The following SCO1 variants were observed in gnomAD, a reference collection of about 807,000 sequenced individuals.
The protein encoded by SCO1 is synthesis of cytochrome C oxidase 1.
SCO1 carries 23 observed loss-of-function variants against 34.0 expected under a neutral mutation model. That is an observed-to-expected ratio of 0.68 (90% CI 0.49 to 0.96). The LOEUF (loss-of-function observed/expected upper bound fraction) is 0.96, where lower values mean the gene tolerates loss of function less well. SCO1 is among the 40% of genes least tolerant of loss of function. The probability of loss-of-function intolerance (pLI) is 0.00; values close to 1 mark genes in which losing one functional copy is unlikely to be tolerated. For missense variants in SCO1, 404 were observed against 381.6 expected (o/e 1.06, Z -0.49); for synonymous variants, 161 against 145.5 (o/e 1.11, Z -0.77).
intron 2 of SCO1, among the ~76,000 whole-genome samples, chr17:10,694,717 CAA>C (rs1020908049): frequency 2.8e-4 from 42 of 151,166 alleles, no homozygotes; most frequent in Middle Eastern, 6.8e-3. Context: ...AAACTAAAGT[CAA>C]AAAAAGCTTC....
rs1198037369 is a variant in SCO1 at position 10,689,068 on chromosome 17, ATCCCGCCACTGCAC to A, written c.656-2240_656-2227del. Among the ~76,000 whole-genome samples the A allele has an allele frequency of 6.4e-4, 88 of 137,682 alleles. 1 individual carries two copies. Among genetic ancestry groups the A allele is most frequent in the Non-Finnish European group, 1.1e-3 (73 of 65,682 alleles). 90.3% of individuals were successfully genotyped at this position (137,682 alleles called of 152,430 possible). A position where few individuals can be genotyped will look rare whatever the true frequency, so the allele number is the denominator to read the frequency against. On this transcript the variant is annotated intron_variant, in intron 4 of 5. Coordinates refer to ENST00000255390, the MANE Select transcript of SCO1 (RefSeq NM_004589.4). ...GAGGCGGAGCTTGCAGTGAGCCGAG[ATCCCGCCACTGCAC>A]TCCAGCCTGGGCGACAGAGCGAGAC... is the stretch of plus-strand genomic sequence containing the variant.
chr17:10,688,458 C>A (rs907474114), intron 4 of SCO1, among the ~76,000 whole-genome samples: 1 of 152,166 alleles, frequency 6.6e-6, no homozygotes, highest in East Asian at 1.9e-4. Context: ...CACTAAGCAC[C>A]TACTAGAGTG....
At chr17:10,681,358 T>A in intron 5 of SCO1, 105 bp from the exon 6 acceptor site, 1 of 1,199,006 alleles carries the variant, frequency 8.3e-7, no homozygotes, top group South Asian at 1.2e-5. Context: ...AATGCTTAAA[T>A]AACCTTTACA....
Position 10,674,513 on chromosome 17 carries a change from C to A in SCO1, c.*6606G>T. 4.2e-6 allele frequency: 1 copy of A among 239,952 alleles called. No individual in the cohort carries two copies. The highest frequency in any genetic ancestry group is 8.3e-6 in the Non-Finnish European group (1 of 120,440). The allele number at this position is 239,952 out of a possible 1,614,324, so 14.9% of individuals were successfully genotyped here. On this transcript the variant is annotated 3_prime_UTR_variant, in exon 6 of 6. Coordinates refer to ENST00000255390, the MANE Select transcript of SCO1 (RefSeq NM_004589.4). ...TGAGAAGCTGCATTTCTGCTAAGTA[C>A]CCCAGTGGTGTGACACTGCCGGACC... is the stretch of plus-strand genomic sequence containing the variant.
Position 10,697,281 on chromosome 17 carries a change from C to T in SCO1, c.227G>A (p.Trp76Ter), listed in dbSNP as rs1048666106. The change falls in exon 1 of 6, where the codon TGG becomes TAG. Residue 76 changes from tryptophan to a stop codon, truncating the protein, a stop_gained. Transcript: ENST00000255390. LOFTEE classifies it high-confidence loss of function. Reference sequence around the variant, plus strand: ...GGAGTCTCCGGGGCCCTTCTGCGACCACGGGGGTGGCGGCCTCGCAGTGCT... The same window carrying T: ...GGAGTCTCCGGGGCCCTTCTGCGACTACGGGGGTGGCGGCCTCGCAGTGCT... ...PLSTARPPPP[W>*]SQKGPGDSTR... is the part of the protein sequence containing the mutation. 8 of 1,566,552 alleles carry T rather than the reference C, an allele frequency of 5.1e-6. No homozygotes were observed. The African/African-American group carries it at 1.1e-4, about 21-fold the overall frequency.
Position 10,692,842 on chromosome 17 carries a change from T to A in SCO1, c.484A>T (p.Ile162Phe), listed in dbSNP as rs1597509746. ...DKDYLGQWLL[I>F]YFGFTHCPDV... ...GGGCAATGAGTGAAGCCAAAATAAA[T>A]CAATAACCACTGACCCAAGTAGTCC... The change falls in exon 3 of 6, where the codon ATT becomes TTT. Residue 162 changes from isoleucine (I) to phenylalanine (F), a missense_variant. Ile to Phe is a conservative substitution (Grantham distance 21). Transcript: ENST00000255390. 2.5e-6 allele frequency: 4 copies of A among 1,614,148 alleles called. No homozygotes were observed. Among genetic ancestry groups the A allele is most frequent in the Non-Finnish European group, 2.5e-6 (3 of 1,180,006 alleles).
rs1265013440 is a variant in SCO1, at chr17:10,678,534, T to G, written c.*2585A>C. 1.3e-5 allele frequency: 2 copies of G among 151,932 alleles called. No individual in the cohort carries two copies. Among genetic ancestry groups the G allele is most frequent in the African/African-American group, 4.8e-5 (2 of 41,348 alleles). The allele number at this position is 151,932 out of a possible 1,614,324, so 9.4% of individuals were successfully genotyped here. On this transcript the variant is annotated 3_prime_UTR_variant, in exon 6 of 6. Coordinates refer to ENST00000255390, the MANE Select transcript of SCO1 (RefSeq NM_004589.4). The stretch of plus-strand genomic sequence containing the variant: ...GAATCTTATCTAAGAGCAAACTTGC[T>G]GCAAAGGGATCCACACAAATGTTTT...
chr17:10,695,802 T>C lies in SCO1; in HGVS notation c.303A>G (p.Thr101=), dbSNP rs770865596. 3 of 1,613,292 alleles carry C rather than the reference T, an allele frequency of 1.9e-6. No individual in the cohort carries two copies. The highest frequency in any genetic ancestry group is 1.7e-5 in the Admixed American group (1 of 59,994). The change falls in exon 2 of 6, where the codon ACA becomes ACG. Residue 101 remains threonine, a synonymous_variant. Coordinates refer to ENST00000255390, the MANE Select transcript of SCO1 (RefSeq NM_004589.4). ...CCAGTAAAGCTCCTCCAATAGCAAA[T>C]GTGATTGCTAAAGACTTCCAGGAAA... ...GPVSWKSLAI[T]FAIGGALLAG... is the part of the protein sequence containing the mutation.
At chr17:10,691,343 A>C (rs2074688052) in intron 4 of SCO1, among the ~76,000 whole-genome samples, 1 of 151,922 alleles carries the variant, frequency 6.6e-6, no homozygotes, top group Admixed American at 6.6e-5. Context: ...CTGGTCTCAA[A>C]CTCCTGACCT....
chr17:10,681,099 A>G lies in SCO1; in HGVS notation c.*20T>C. ...CTTCCTCTTAGCAAGAGAATACTGC[A>G]TCCAGCAACACTGCTTTGGCTAGCT... On this transcript the variant is annotated 3_prime_UTR_variant, in exon 6 of 6. Coordinates refer to ENST00000255390, the MANE Select transcript of SCO1 (RefSeq NM_004589.4). 1.9e-6 allele frequency: 3 copies of G among 1,614,200 alleles called. No homozygotes were observed. The highest frequency in any genetic ancestry group is 2.5e-6 in the Non-Finnish European group (3 of 1,180,018).
At chr17:10,688,223 C>T (rs970955231) in intron 4 of SCO1, among the ~76,000 whole-genome samples, 6 of 152,154 alleles carry the variant, frequency 3.9e-5, no homozygotes, top group African/African-American at 1.4e-4. Flanking sequence ...AAATGACGAG[C>T]CACAGACTGG....
intron 4 of SCO1, 72 bp downstream of exon 4, chr17:10,691,800 T>A (rs1441630162): frequency 2.2e-6 from 2 of 927,870 alleles, no homozygotes; most frequent in Admixed American, 3.7e-5. Flanking sequence ...CAAGGCACTG[T>A]AAGGTTCAAA....
In SCO1 at chr17:10,677,761, A is replaced by C. The variant is rs1481977610; in HGVS notation, c.*3358T>G. ...TTTCTTAAAATATTAATTCTATTGA[A>C]GAGTCTAGTGAAAACACTGTAACCC... On this transcript the variant is annotated 3_prime_UTR_variant, in exon 6 of 6. Coordinates refer to ENST00000255390, the MANE Select transcript of SCO1 (RefSeq NM_004589.4). The C allele has an allele frequency of 6.6e-6, 1 of 152,232 alleles. No individual in the cohort carries two copies. The highest frequency in any genetic ancestry group is 1.5e-5 in the Non-Finnish European group (1 of 68,050). 9.4% of individuals were successfully genotyped at this position (152,232 alleles called of 1,614,324 possible).
At chr17:10,683,088 T>A (rs1294225711) in intron 5 of SCO1, among the ~76,000 whole-genome samples, 1 of 152,196 alleles carries the variant, frequency 6.6e-6, no homozygotes, top group Non-Finnish European at 1.5e-5. Context: ...AGTTAATGTA[T>A]ACAATGAAAA....
At chr17:10,684,778 C>T (rs191054005) in intron 5 of SCO1, among the ~76,000 whole-genome samples, 17 of 152,318 alleles carry the variant, frequency 1.1e-4, no homozygotes, top group African/African-American at 4.1e-4. Flanking sequence ...GTTAATACAA[C>T]TCTCTATAAA....
rs1345232427 is a variant in SCO1, at chr17:10,697,253, C to A, written c.255G>T (p.Thr85=). 6.4e-7 allele frequency: 1 copy of A among 1,561,688 alleles called. No homozygotes were observed. The change falls in exon 1 of 6, where the codon ACG becomes ACT. Residue 85 remains threonine (T), a synonymous_variant. Coordinates refer to ENST00000255390, the MANE Select transcript of SCO1 (RefSeq NM_004589.4). ...CACTCACCCCGGGCTTCGAGGGGCG[C>A]GTGGAGTCTCCGGGGCCCTTCTGCG... ...PWSQKGPGDS[T]RPSKPGPVSW...
At position 10,681,651 on chromosome 17, in the gene SCO1, C is replaced by T. The variant is rs115051463; in HGVS notation, c.772-398G>A. On this transcript the variant is annotated intron_variant, in intron 5 of 5. Coordinates refer to ENST00000255390, the MANE Select transcript of SCO1 (RefSeq NM_004589.4). ...CCTTCATTTTTGAGTAAGATATCTC[C>T]TCAGACCCTAAACATGTTACAAACA... Among the ~76,000 whole-genome samples the T allele has an allele frequency of 1.2e-3, 179 of 152,290 alleles. 1 individual carries two copies. The highest frequency in any genetic ancestry group is 3.8e-3 in the African/African-American group (159 of 41,580).
chr17:10,697,100 C>A, intron 1 of SCO1, 135 bp downstream of exon 1: 1 of 831,074 alleles, frequency 1.2e-6, no homozygotes. Flanking sequence ...TTCCATGACC[C>A]AGGTAAGGCG....
chr17:10,681,121 A>T lies in SCO1; in HGVS notation c.904T>A (p.Ter302LysextTer58). 1 of 1,614,176 alleles carries T rather than the reference A, an allele frequency of 6.2e-7. No individual in the cohort carries two copies. Residue 302 changes from the stop codon to lysine, a stop_lost, in exon 6 of 6, where the codon TAG becomes AAG. Transcript: ENST00000255390. ...THMRPYRKKS[*>K] is the part of the protein sequence containing the mutation. Reference sequence around the variant, plus strand: ...TGCATCCAGCAACACTGCTTTGGCTAGCTCTTTTTTCTGTATGGCCTCATG... The same window carrying T: ...TGCATCCAGCAACACTGCTTTGGCTTGCTCTTTTTTCTGTATGGCCTCATG...
Sources: allele counts gnomAD v4.1 joint callset (sites outside exome capture counted in the v4.1 genomes callset), GRCh38; gene constraint gnomAD v4.1.1; transcripts MANE v1.5; gene names NCBI Gene and HGNC (gene_info 2026-07-23, HGNC 2026-07-21).